STAC: variants seen among roughly 807,000 people sequenced by gnomAD.
The protein encoded by STAC is SH3 and cysteine-rich domain-containing protein.
In STAC, 43 loss-of-function variants were observed where a neutral mutation model predicts 48.8. That is an observed-to-expected ratio of 0.88 (90% confidence interval 0.69 to 1.14). The LOEUF (loss-of-function observed/expected upper bound fraction) is 1.14. Ranked by LOEUF, STAC falls within the 50% of genes most tolerant of loss-of-function variation. The pLI is 0.00. For synonymous variants in STAC, 193 were observed against 179.5 expected, an observed-to-expected ratio of 1.07 and a Z score of -0.60; for missense variants, 497 against 504.0, an observed-to-expected ratio of 0.99 and a Z score of 0.13.
intron 5 of STAC, among the ~76,000 whole-genome samples, chr3:36,489,647 C>T (rs943207081): frequency 3.9e-5 from 6 of 152,208 alleles, no homozygotes; most frequent in African/African-American, 1.4e-4. Context: ...TTCTTTTATT[C>T]ACAGCTTTGT....
At chr3:36,470,066 C>G (rs113765136) in intron 2 of STAC, among the ~76,000 whole-genome samples, 1 of 152,044 alleles carries the variant, frequency 6.6e-6, no homozygotes, top group Non-Finnish European at 1.5e-5. Flanking sequence ...TTTTTTCTGG[C>G]AATTCAGAGA....
chr3:36,396,433 T>A (rs1468166001), intron 1 of STAC, among the ~76,000 whole-genome samples: 2 of 152,170 alleles, frequency 1.3e-5, no homozygotes, highest in Non-Finnish European at 2.9e-5. Flanking sequence ...AATTTTCTGA[T>A]AACACATTAT....
intron 2 of STAC, among the ~76,000 whole-genome samples, chr3:36,471,034 T>C (rs979377120): frequency 6.6e-6 from 1 of 152,160 alleles, no homozygotes; most frequent in African/African-American, 2.4e-5. Context: ...AGACCTGTTG[T>C]ATTAGTCCAT....
chr3:36,451,844 T>A (rs1388984465), intron 2 of STAC, among the ~76,000 whole-genome samples: 1 of 152,230 alleles, frequency 6.6e-6, no homozygotes, highest in African/African-American at 2.4e-5. Flanking sequence ...AAGTTTATTT[T>A]CAGTAATATT....
intron 10 of STAC, among the ~76,000 whole-genome samples, chr3:36,537,001 C>T (rs1699213577): frequency 2.0e-5 from 3 of 152,038 alleles, no homozygotes; most frequent in Admixed American, 2.0e-4. Context: ...CAAAGAGTAC[C>T]ATGTCACTCC....
At chr3:36,511,151 G>C (rs1200510179) in intron 8 of STAC, among the ~76,000 whole-genome samples, 1 of 151,646 alleles carries the variant, frequency 6.6e-6, no homozygotes, top group Non-Finnish European at 1.5e-5. Flanking sequence ...TCGTGTTTCA[G>C]GGGTTGTTAA....
intron 1 of STAC, among the ~76,000 whole-genome samples, chr3:36,398,028 G>T (rs1699889253): frequency 1.3e-5 from 2 of 152,078 alleles, no homozygotes; most frequent in African/African-American, 4.8e-5. Flanking sequence ...TAGCTCCATG[G>T]CAGGATCTTT....
At chr3:36,540,879 G>A (rs1193342007) in intron 10 of STAC, among the ~76,000 whole-genome samples, 1 of 152,076 alleles carries the variant, frequency 6.6e-6, no homozygotes, top group African/African-American at 2.4e-5. Flanking sequence ...CTAAATTTGT[G>A]GTGATTTGTT....
intron 2 of STAC, among the ~76,000 whole-genome samples, chr3:36,478,281 C>T (rs989846036): frequency 6.6e-6 from 1 of 152,156 alleles, no homozygotes. Flanking sequence ...GATACATGGC[C>T]AATTTATGCC....
intron 10 of STAC, among the ~76,000 whole-genome samples, chr3:36,532,433 A>G (rs1171136773): frequency 1.3e-5 from 2 of 152,224 alleles, no homozygotes; most frequent in African/African-American, 2.4e-5. Context: ...AAAGATCAAA[A>G]GTCATCAATG....
intron 2 of STAC, chr3:36,459,282 T>C (rs955738208): frequency 1.3e-5 from 2 of 152,156 alleles, no homozygotes; most frequent in Non-Finnish European, 2.9e-5. Flanking sequence ...AACCAAAGCA[T>C]ATACAAAGTA....
chr3:36,388,105 G>A (rs1033498216), intron 1 of STAC, among the ~76,000 whole-genome samples: 1 of 152,042 alleles, frequency 6.6e-6, no homozygotes, highest in African/African-American at 2.4e-5. Context: ...ATCTTCTTTG[G>A]AGAAATATCT....
chr3:36,437,139 A>G (rs1230938689), intron 1 of STAC, among the ~76,000 whole-genome samples: 2 of 151,996 alleles, frequency 1.3e-5, no homozygotes, highest in Non-Finnish European at 2.9e-5. Context: ...GGTGCTGGAG[A>G]GGATGTGGAG....
rs59881573 is a variant in STAC, at chr3:36,380,572, G to T, written c.-72G>T. The stretch of plus-strand genomic sequence containing the variant: ...CCCGGAGCTGAGCAGCCTGGCGCGC[G>T]GCGGGCAGGGCGCGCAGGACAGAAG... On this transcript the variant is annotated 5_prime_UTR_variant, in exon 1 of 11. Transcript: ENST00000273183. 1.1e-5 allele frequency: 14 copies of T among 1,270,078 alleles called. No individual in the cohort carries two copies. The African/African-American group carries it at 2.1e-4, about 19-fold the overall frequency. The allele number at this position is 1,270,078 out of a possible 1,614,324, so 78.7% of individuals were successfully genotyped here. A position where few individuals can be genotyped will look rare whatever the true frequency, so the allele number is the denominator to read the frequency against.
intron 1 of STAC, among the ~76,000 whole-genome samples, chr3:36,404,716 G>A (rs1287542628): frequency 5.3e-5 from 8 of 151,824 alleles, no homozygotes; most frequent in Non-Finnish European, 7.4e-5. Flanking sequence ...AACAACATGT[G>A]TACACATTCA....
chr3:36,487,106 G>T (rs559619506), intron 5 of STAC, among the ~76,000 whole-genome samples: 1 of 152,370 alleles, frequency 6.6e-6, no homozygotes, highest in South Asian at 2.1e-4. Flanking sequence ...GTGGATTGTG[G>T]GAAGAGGGGC....
At chr3:36,398,896 A>G (rs1037936628) in intron 1 of STAC, among the ~76,000 whole-genome samples, 9 of 152,122 alleles carry the variant, frequency 5.9e-5, no homozygotes, top group African/African-American at 2.2e-4. Context: ...TAAAAAGCAG[A>G]GCCTGAGGTT....
At chr3:36,424,119 G>T (rs1700510645) in intron 1 of STAC, among the ~76,000 whole-genome samples, 1 of 152,106 alleles carries the variant, frequency 6.6e-6, no homozygotes. Context: ...ATAAGTATTT[G>T]TGGAAATGAA....
chr3:36,461,475 C>T (rs1221615192), intron 2 of STAC, among the ~76,000 whole-genome samples: 3 of 151,536 alleles, frequency 2.0e-5, no homozygotes, highest in Non-Finnish European at 2.9e-5. Flanking sequence ...ACTGGGGAGA[C>T]GATGGATGGA....
Sources: allele counts gnomAD v4.1 joint callset (sites outside exome capture counted in the v4.1 genomes callset), GRCh38; gene constraint gnomAD v4.1.1; transcripts MANE v1.5; gene names NCBI Gene and HGNC (gene_info 2026-07-23, HGNC 2026-07-21).